The following G6PC2 variants were observed in gnomAD, a reference collection of about 807,000 sequenced individuals.
G6PC2 encodes glucose-6-phosphatase catalytic subunit 2, also known as glucose-6-phosphatase 2.
In G6PC2, 41 loss-of-function variants were observed where a neutral mutation model predicts 35.4. The observed-to-expected ratio is 1.16, with a 90% CI of 0.90 to 1.50. G6PC2 has a LOEUF of 1.50. Ranked by LOEUF, G6PC2 falls within the 40% of genes most tolerant of loss-of-function variation. G6PC2 has a pLI of 0.00. For synonymous variants in G6PC2, 165 were observed against 153.2 expected (o/e 1.08, Z -0.57); for missense variants, 441 against 426.5 (o/e 1.03, Z -0.30).
intron 2 of G6PC2, chr2:168,903,001 T>C: frequency 4.7e-6 from 1 of 214,442 alleles, no homozygotes; most frequent in Non-Finnish European, 9.4e-6. Context: ...AGGTAAGGAC[T>C]TCTCAATGTT....
At chr2:168,906,973 A>G (rs1292591420) in intron 4 of G6PC2, among the ~76,000 whole-genome samples, 194 bp downstream of exon 4, 1 of 152,192 alleles carries the variant, frequency 6.6e-6, no homozygotes, top group Admixed American at 6.5e-5. Flanking sequence ...ACAAAGTGGC[A>G]CAATCTCAGT....
chr2:168,902,993 G>A (rs1361394091), intron 2 of G6PC2: 1 of 224,744 alleles, frequency 4.4e-6, no homozygotes, highest in Non-Finnish European at 8.8e-6. Context: ...TGTAAGAAAG[G>A]TAAGGACTTC....
intron 2 of G6PC2, 113 bp downstream of exon 2, chr2:168,902,667 G>C: frequency 1.4e-6 from 1 of 723,088 alleles, no homozygotes; most frequent in Non-Finnish European, 2.5e-6. Context: ...AATCTCATGA[G>C]TGAGGATGCT....
chr2:168,907,132 T>G (rs1559165381), intron 4 of G6PC2, among the ~76,000 whole-genome samples: 1 of 152,220 alleles, frequency 6.6e-6, no homozygotes, highest in Non-Finnish European at 1.5e-5. Context: ...TGTGCCATTC[T>G]CTCTGAAACA....
In G6PC2 at chr2:168,909,381, G is replaced by A. The variant is rs1313475543; in HGVS notation, c.*1302G>A. ...CCCCAAAGACTTATCTCTTCACTAT[G>A]ACATCTCCATACTTTATTTTTAGGA... On this transcript the variant is annotated 3_prime_UTR_variant, in exon 5 of 5. Coordinates refer to ENST00000375363, the MANE Select transcript of G6PC2 (RefSeq NM_021176.3). 6.6e-6 allele frequency: 1 copy of A among 152,142 alleles called. No homozygotes were observed. The highest frequency in any genetic ancestry group is 1.5e-5 in the Non-Finnish European group (1 of 68,032). 9.4% of individuals were successfully genotyped at this position (152,142 alleles called of 1,614,324 possible). A position where few individuals can be genotyped will look rare whatever the true frequency, so the allele number is the denominator to read the frequency against.
At chr2:168,901,583 G>C (rs1574373379) in intron 1 of G6PC2, 34 bp downstream of exon 1, 13 of 1,093,282 alleles carry the variant, frequency 1.2e-5, no homozygotes, top group Non-Finnish European at 1.8e-5. Flanking sequence ...TTTTTCCTAA[G>C]ATTTATCCTT....
chr2:168,901,336 A>G lies in G6PC2; in HGVS notation c.5A>G (p.Asp2Gly). The G allele has an allele frequency of 6.4e-7, 1 of 1,561,488 alleles. No homozygotes were observed. The highest frequency in any genetic ancestry group is 8.8e-7 in the Non-Finnish European group (1 of 1,131,986). ...TAGAATTGCCTCTTTTTCAAGATGG[A>G]TTTCCTTCACAGGAATGGAGTGCTC... is the stretch of plus-strand genomic sequence containing the variant. M[D>G]FLHRNGVLII... The change falls in exon 1 of 5, where the codon GAT becomes GGT. Residue 2 changes from aspartate (D) to glycine (G), a missense_variant. Coordinates refer to ENST00000375363, the MANE Select transcript of G6PC2 (RefSeq NM_021176.3).
In G6PC2 at chr2:168,904,514, C is replaced by T. The variant is rs761386634; in HGVS notation, c.338C>T (p.Ser113Phe). 27 of 1,591,318 alleles carry T rather than the reference C, an allele frequency of 1.7e-5. No individual in the cohort carries two copies. The South Asian group carries it at 3.0e-4, about 18-fold the overall frequency. The change falls in exon 3 of 5, where the codon TCT becomes TTT. Residue 113 changes from serine (S) to phenylalanine (F), a missense_variant. Transcript: ENST00000375363. ...CACTTTGTTGTTGCAGGAAGTCCAT[C>T]TGGCCATGCAATGGGCGCATCCTGT... ...TTCETGPGSP[S>F]GHAMGASCVW...
Position 168,907,808 on chromosome 2 carries a change from T to A in G6PC2, c.797T>A (p.Leu266His), listed in dbSNP as rs749760008. Reference sequence around the variant, plus strand: ...GGACTCGTGAGAAACCTTGGGGTCCTCTTTGGCTTGGGCTTTGCAATCAAC... The same window carrying A: ...GGACTCGTGAGAAACCTTGGGGTCCACTTTGGCTTGGGCTTTGCAATCAAC... ...FAGLVRNLGV[L>H]FGLGFAINSE... is the part of the protein sequence containing the mutation. The change falls in exon 5 of 5, where the codon CTC (leucine) becomes CAC (histidine). Residue 266 changes from leucine to histidine, a missense_variant. Transcript: ENST00000375363. 5 of 1,614,106 alleles carry A rather than the reference T, an allele frequency of 3.1e-6. No individual in the cohort carries two copies. In the Admixed American group the frequency reaches 8.3e-5, roughly 27 times the overall value.
chr2:168,904,007 A>G (rs927373690), intron 2 of G6PC2, among the ~76,000 whole-genome samples: 10 of 152,170 alleles, frequency 6.6e-5, no homozygotes, highest in Non-Finnish European at 1.0e-4. Flanking sequence ...TCACTGGCAT[A>G]GCAATGATAT....
Position 168,907,863 on chromosome 2 carries a change from G to A in G6PC2, c.852G>A (p.Gly284=). Residue 284 remains glycine, a synonymous_variant, in exon 5 of 5, where the codon GGG becomes GGA. Transcript: ENST00000375363. ...AGATGTTCCTCCTGAGCTGCCGAGG[G>A]GGAAATAACTACACACTGAGCTTCC... The part of the protein sequence containing the change: ...NSEMFLLSCR[G]GNNYTLSFRL... 6.2e-7 allele frequency: 1 copy of A among 1,613,886 alleles called. No individual in the cohort carries two copies.
Position 168,906,682 on chromosome 2 carries a change from T to C in G6PC2, c.459T>C (p.Leu153=), listed in dbSNP as rs766672040. The change falls in exon 4 of 5, where the codon CTT becomes CTC. Residue 153 remains leucine (L), a synonymous_variant. Transcript: ENST00000375363. ...ITLHRLTWSF[L]WSVFWLIQIS... Reference sequence around the variant, plus strand: ...ATCGTAGACTGACCTGGTCATTTCTTTGGAGTGTTTTTTGGTTGATTCAAA... The same window carrying C: ...ATCGTAGACTGACCTGGTCATTTCTCTGGAGTGTTTTTTGGTTGATTCAAA... 5 of 1,583,896 alleles carry C rather than the reference T, an allele frequency of 3.2e-6. No individual in the cohort carries two copies. In the East Asian group the frequency reaches 1.1e-4, roughly 35 times the overall value.
At chr2:168,907,270 G>A (rs1690733835) in intron 4 of G6PC2, among the ~76,000 whole-genome samples, 1 of 152,134 alleles carries the variant, frequency 6.6e-6, no homozygotes, top group African/African-American at 2.4e-5. Flanking sequence ...AATTGGCTAT[G>A]GCAATTGAAA....
intron 2 of G6PC2, among the ~76,000 whole-genome samples, chr2:168,903,574 C>T (rs1690647601): frequency 1.3e-5 from 2 of 151,870 alleles, no homozygotes; most frequent in Non-Finnish European, 2.9e-5. Context: ...AATTCCAGTC[C>T]TTTCCGGCAT....
chr2:168,904,293 T>C (rs1286867770), intron 2 of G6PC2, among the ~76,000 whole-genome samples: 1 of 152,128 alleles, frequency 6.6e-6, no homozygotes, highest in African/African-American at 2.4e-5. Flanking sequence ...CCTGAAAATC[T>C]GGGAAAAAAA....
In G6PC2 at chr2:168,908,589, C is replaced by T; in HGVS notation, c.*510C>T. The T allele has an allele frequency of 5.0e-6, 1 of 198,200 alleles. No individual in the cohort carries two copies. Among genetic ancestry groups the T allele is most frequent in the Admixed American group, 5.3e-5 (1 of 18,918 alleles). 12.3% of individuals were successfully genotyped at this position (198,200 alleles called of 1,614,324 possible). On this transcript the variant is annotated 3_prime_UTR_variant, in exon 5 of 5. Coordinates refer to ENST00000375363, the MANE Select transcript of G6PC2 (RefSeq NM_021176.3). Reference sequence around the variant, plus strand: ...AGCCTATTTAGGTAAAAGAACTTGCCTGGAGTCACGCCACCTTCAGAGCAG... The same window carrying T: ...AGCCTATTTAGGTAAAAGAACTTGCTTGGAGTCACGCCACCTTCAGAGCAG...
In G6PC2 at chr2:168,909,874, A is replaced by G. The variant is rs187180582; in HGVS notation, c.*1795A>G. The G allele has an allele frequency of 3.3e-5, 5 of 152,356 alleles. No individual in the cohort carries two copies. The East Asian group carries it at 9.6e-4, about 29-fold the overall frequency. The allele number at this position is 152,356 out of a possible 1,614,324, so 9.4% of individuals were successfully genotyped here. A position where few individuals can be genotyped will look rare whatever the true frequency, so the allele number is the denominator to read the frequency against. Reference sequence around the variant, plus strand: ...ATAACAAACCTCAAAAAATCAAAGTATTAATTACTCCTTTCCAAGTATATG... The same window carrying G: ...ATAACAAACCTCAAAAAATCAAAGTGTTAATTACTCCTTTCCAAGTATATG... On this transcript the variant is annotated 3_prime_UTR_variant, in exon 5 of 5. Coordinates refer to ENST00000375363, the MANE Select transcript of G6PC2 (RefSeq NM_021176.3).
rs1690720617 is a variant in G6PC2 at position 168,906,723 on chromosome 2, C to T, written c.500C>T (p.Ser167Phe). 6.2e-7 allele frequency: 1 copy of T among 1,607,142 alleles called. No individual in the cohort carries two copies. The highest frequency in any genetic ancestry group is 8.5e-7 in the Non-Finnish European group (1 of 1,173,694). The change falls in exon 4 of 5, where the codon TCC (serine) becomes TTC (phenylalanine). Residue 167 changes from serine to phenylalanine, a missense_variant. Physicochemically the swap from Ser to Phe is radical, Grantham distance 155. Transcript: ENST00000375363. ...FWLIQISVCI[S>F]RVFIATHFPH... ...TTGATTCAAATCAGTGTCTGCATCT[C>T]CAGAGTATTCATAGCAACACATTTT...
In G6PC2 at chr2:168,906,660, G is replaced by T; in HGVS notation, c.441-4G>T. 6.8e-7 allele frequency: 1 copy of T among 1,470,238 alleles called. No individual in the cohort carries two copies. The highest frequency in any genetic ancestry group is 9.5e-7 in the Non-Finnish European group (1 of 1,048,770). The allele number at this position is 1,470,238 out of a possible 1,614,324, so 91.1% of individuals were successfully genotyped here. A position where few individuals can be genotyped will look rare whatever the true frequency, so the allele number is the denominator to read the frequency against. ...TTATGCTTGTATCTATTCTTCCATC[G>T]TAGACTGACCTGGTCATTTCTTTGG... On this transcript the variant is annotated splice_polypyrimidine_tract_variant and splice_region_variant and intron_variant, in intron 3 of 4. Coordinates refer to ENST00000375363, the MANE Select transcript of G6PC2 (RefSeq NM_021176.3).
Sources: allele counts gnomAD v4.1 joint callset (sites outside exome capture counted in the v4.1 genomes callset), GRCh38; gene constraint gnomAD v4.1.1; transcripts MANE v1.5; gene names NCBI Gene and HGNC (gene_info 2026-07-23, HGNC 2026-07-21).